ADGRL2: variants seen among roughly 807,000 people sequenced by gnomAD.
ADGRL2 encodes calcium-independent alpha-latrotoxin receptor 2.
ADGRL2 carries 44 observed loss-of-function variants against 157.4 expected under a neutral mutation model. The ratio of observed to expected loss-of-function variants is 0.28; its 90% CI spans 0.22 to 0.36. The LOEUF is 0.36. Among genes scored for constraint, ADGRL2 ranks in the 10% least tolerant of loss-of-function variants. The pLI is 1.00. For synonymous variants in ADGRL2, 585 were observed against 624.7 expected (o/e 0.94, Z 0.95); for missense variants, 1,510 against 1,768.9 (o/e 0.85, Z 2.63).
intron 2 of ADGRL2, among the ~76,000 whole-genome samples, chr1:81,896,388 GAACTCTAGCAGGTCGTCAGTCATTT>G (rs2094388890): frequency 6.6e-6 from 1 of 152,138 alleles, no homozygotes; most frequent in Non-Finnish European, 1.5e-5. Context: ...GAATGATTTT[GAACTCTAGCAGGTCGTCAGTCATTT>G]AAGAGCATAT....
chr1:81,521,519 ATATCT>A (rs2079314434), intron 2 of ADGRL2, among the ~76,000 whole-genome samples: 1 of 152,196 alleles, frequency 6.6e-6, no homozygotes, highest in African/African-American at 2.4e-5. Flanking sequence ...TGTAATAAAA[ATATCT>A]TATACTTACC....
intron 2 of ADGRL2, among the ~76,000 whole-genome samples, chr1:81,580,697 GCCA>G (rs1441359253): frequency 6.6e-6 from 1 of 152,172 alleles, no homozygotes. Context: ...TTTGTCAGCA[GCCA>G]CCACAATGAA....
chr1:81,342,912 A>G (rs1662178809), intron 1 of ADGRL2, among the ~76,000 whole-genome samples: 1 of 151,896 alleles, frequency 6.6e-6, no homozygotes, highest in Non-Finnish European at 1.5e-5. Context: ...TCCAAACTGC[A>G]CTCTGTGTTT....
intron 1 of ADGRL2, among the ~76,000 whole-genome samples, chr1:81,801,856 C>G (rs1176202940): frequency 6.6e-6 from 1 of 152,232 alleles, no homozygotes; most frequent in Admixed American, 6.5e-5. Context: ...TCCACCACCC[C>G]TTTCGCTCTG....
At chr1:81,449,656 C>T (rs150546450) in intron 2 of ADGRL2, among the ~76,000 whole-genome samples, 9 of 152,250 alleles carry the variant, frequency 5.9e-5, no homozygotes, top group African/African-American at 7.2e-5. Flanking sequence ...GGCTGGAGTG[C>T]GGTGGTGCAA....
intron 2 of ADGRL2, among the ~76,000 whole-genome samples, chr1:81,574,179 A>G (rs929456189): frequency 8.2e-5 from 12 of 146,332 alleles, no homozygotes; most frequent in African/African-American, 3.0e-4. Context: ...AGGCTTAAGC[A>G]GGAAAACTAT....
intron 2 of ADGRL2, among the ~76,000 whole-genome samples, chr1:81,456,102 A>G (rs2077799608): frequency 6.6e-6 from 1 of 152,216 alleles, no homozygotes; most frequent in Non-Finnish European, 1.5e-5. Context: ...CACTCTTACA[A>G]TTTATTGCTG....
At chr1:81,431,294 A>AG (rs1253443041) in intron 1 of ADGRL2, among the ~76,000 whole-genome samples, 2 of 152,166 alleles carry the variant, frequency 1.3e-5, no homozygotes, top group Non-Finnish European at 2.9e-5. Flanking sequence ...ATTGACTACT[A>AG]GTGGCCAGTA....
intron 1 of ADGRL2, among the ~76,000 whole-genome samples, chr1:81,433,620 G>A (rs189579873): frequency 3.0e-4 from 45 of 152,192 alleles, no homozygotes; most frequent in Non-Finnish European, 5.9e-4. Context: ...TCTACCCTTC[G>A]GCAAGGAAAT....
At chr1:81,952,779 C>T (rs1652265874) in intron 9 of ADGRL2, among the ~76,000 whole-genome samples, 1 of 151,868 alleles carries the variant, frequency 6.6e-6, no homozygotes, top group Non-Finnish European at 1.5e-5. Flanking sequence ...TTTTTGTCAA[C>T]ATATTTTAGA....
Position 81,758,219 on chromosome 1 carries a change from A to G in ADGRL2, c.-142-3592A>G, listed in dbSNP as rs114415532. Among the ~76,000 whole-genome samples, 1,474 of 152,254 alleles carry G rather than the reference A, an allele frequency of 9.7e-3. 27 individuals carry two copies. The highest frequency in any genetic ancestry group is 0.032 in the African/African-American group (1,334 of 41,570). Reference sequence around the variant, plus strand: ...TTAATTGAGCAATTATTATTTCTTAAGTGAACATAGAGTTTGAGGATGGTG... The same window carrying G: ...TTAATTGAGCAATTATTATTTCTTAGGTGAACATAGAGTTTGAGGATGGTG... On this transcript the variant is annotated intron_variant, in intron 1 of 20. Transcript: ENST00000359929.
At chr1:81,924,879 AT>A (rs1405110949) in intron 3 of ADGRL2, among the ~76,000 whole-genome samples, 1 of 152,010 alleles carries the variant, frequency 6.6e-6, no homozygotes, top group Non-Finnish European at 1.5e-5. Context: ...TCTGATACTG[AT>A]TTGGTACTAC....
intron 1 of ADGRL2, among the ~76,000 whole-genome samples, chr1:81,755,705 T>C (rs1360548209): frequency 6.6e-6 from 1 of 152,166 alleles, no homozygotes; most frequent in Non-Finnish European, 1.5e-5. Flanking sequence ...TTTGCTATTC[T>C]ACATTCTCTC....
intron 1 of ADGRL2, among the ~76,000 whole-genome samples, chr1:81,322,002 C>A (rs1416329295): frequency 6.7e-6 from 1 of 149,938 alleles, no homozygotes; most frequent in Non-Finnish European, 1.5e-5. Flanking sequence ...ATTTAAAAAA[C>A]AAGTTTATTT....
At chr1:81,946,404 A>G (rs1016110053) in intron 6 of ADGRL2, among the ~76,000 whole-genome samples, 2 of 131,668 alleles carry the variant, frequency 1.5e-5, no homozygotes, top group African/African-American at 2.9e-5. Context: ...CATTTGCTCC[A>G]CTCCCCTAAA....
intron 1 of ADGRL2, among the ~76,000 whole-genome samples, chr1:81,346,147 T>A (rs1364843479): frequency 6.6e-6 from 1 of 152,026 alleles, no homozygotes; most frequent in Non-Finnish European, 1.5e-5. Context: ...GAGTGGAGGA[T>A]GAGGTAAAAG....
At chr1:81,342,333 A>T (rs1662133571) in intron 1 of ADGRL2, among the ~76,000 whole-genome samples, 1 of 152,218 alleles carries the variant, frequency 6.6e-6, no homozygotes, top group East Asian at 1.9e-4. Context: ...TTACAGTGGA[A>T]TTAATCAAAT....
At chr1:81,580,240 TG>T (rs1475197490) in intron 2 of ADGRL2, among the ~76,000 whole-genome samples, 3 of 152,298 alleles carry the variant, frequency 2.0e-5, no homozygotes, top group African/African-American at 7.2e-5. Flanking sequence ...CATTCACATC[TG>T]TGACCAAAGT....
intron 2 of ADGRL2, among the ~76,000 whole-genome samples, chr1:81,896,438 C>T (rs1462756508): frequency 6.6e-6 from 1 of 152,090 alleles, no homozygotes; most frequent in Admixed American, 6.5e-5. Context: ...ATAGTTGAGT[C>T]CCACTGATTA....
Sources: allele counts gnomAD v4.1 joint callset (sites outside exome capture counted in the v4.1 genomes callset), GRCh38; gene constraint gnomAD v4.1.1; transcripts MANE v1.5; gene names NCBI Gene and HGNC (gene_info 2026-07-23, HGNC 2026-07-21).